The following BMPR2 variants were observed in gnomAD, a reference collection of about 807,000 sequenced individuals.
BMPR2 encodes the protein bone morphogenetic protein receptor type 2.
BMPR2 carries 29 observed loss-of-function variants against 100.8 expected under a neutral mutation model. The ratio of observed to expected loss-of-function variants is 0.29; its 90% confidence interval spans 0.21 to 0.39. BMPR2 has a LOEUF of 0.39. Ranked by LOEUF, BMPR2 falls within the 10% of genes least tolerant of loss-of-function variation. BMPR2 has a pLI of 1.00. For synonymous variants in BMPR2, 382 were observed against 442.3 expected (o/e 0.86, Z 1.71); for missense variants, 1,011 against 1,274.5 (o/e 0.79, Z 3.15).
intron 9 of BMPR2, among the ~76,000 whole-genome samples, chr2:202,537,556 A>G (rs1688184715): frequency 6.6e-6 from 1 of 152,240 alleles, no homozygotes; most frequent in Non-Finnish European, 1.5e-5. Flanking sequence ...ACAGAGTTTC[A>G]GTTTGGGAAG....
chr2:202,377,676 T>G (rs1690181124), intron 1 of BMPR2, 126 bp downstream of exon 1: 2 of 1,105,522 alleles, frequency 1.8e-6, no homozygotes, highest in African/African-American at 1.5e-5. Context: ...GCAGCGGAGC[T>G]GCGACCCGGT....
chr2:202,413,134 T>C (rs1422853926), intron 1 of BMPR2, among the ~76,000 whole-genome samples: 1 of 152,236 alleles, frequency 6.6e-6, no homozygotes, highest in Non-Finnish European at 1.5e-5. Flanking sequence ...ACATTCTGAC[T>C]TCTTGTTTCA....
chr2:202,388,040 C>A (rs1018444205), intron 1 of BMPR2, among the ~76,000 whole-genome samples: 2 of 152,038 alleles, frequency 1.3e-5, no homozygotes, highest in African/African-American at 4.8e-5. Flanking sequence ...ATCAAGAATG[C>A]TAATCTATAA....
At position 202,378,694 on chromosome 2, in the gene BMPR2, A is replaced by T. The variant is rs114021105; in HGVS notation, c.76+1144A>T. 9.3e-3 allele frequency among the ~76,000 whole-genome samples: 1,411 copies of T among 152,310 alleles called. 11 individuals carry two copies. Among genetic ancestry groups the T allele is most frequent in the Middle Eastern group, 0.014 (4 of 294 alleles). ...GATGATAAATCTATATGGTTCTGTT[A>T]AAATAATTTGAACTTCTGAGTTTAC... is the stretch of plus-strand genomic sequence containing the variant. On this transcript the variant is annotated intron_variant, in intron 1 of 12. Coordinates refer to ENST00000374580, the MANE Select transcript of BMPR2 (RefSeq NM_001204.7).
At chr2:202,378,220 G>T (rs1167847528) in intron 1 of BMPR2, among the ~76,000 whole-genome samples, 1 of 152,176 alleles carries the variant, frequency 6.6e-6, no homozygotes, top group Non-Finnish European at 1.5e-5. Context: ...ATTTGACTCC[G>T]AAAGTTCTTT....
Position 202,419,632 on chromosome 2 carries a change from G to A in BMPR2, c.76+42082G>A, listed in dbSNP as rs138385456. On this transcript the variant is annotated intron_variant, in intron 1 of 12. Coordinates refer to ENST00000374580, the MANE Select transcript of BMPR2 (RefSeq NM_001204.7). The stretch of plus-strand genomic sequence containing the variant: ...GGCCTCACAAAGTGCTGGGATTACA[G>A]GCATGAGCCACTGCACCTGGTGTAT... Among the ~76,000 whole-genome samples the A allele has an allele frequency of 6.3e-3, 954 of 152,258 alleles. 13 individuals are homozygous for A. Among genetic ancestry groups the A allele is most frequent in the African/African-American group, 0.021 (890 of 41,550 alleles).
At chr2:202,468,126 C>T (rs953195077) in intron 3 of BMPR2, among the ~76,000 whole-genome samples, 9 of 151,836 alleles carry the variant, frequency 5.9e-5, no homozygotes, top group African/African-American at 1.7e-4. Context: ...ACCTGAAATC[C>T]GAAAGCGATG....
chr2:202,418,991 A>T (rs894531578), intron 1 of BMPR2, among the ~76,000 whole-genome samples: 1 of 152,094 alleles, frequency 6.6e-6, no homozygotes, highest in African/African-American at 2.4e-5. Flanking sequence ...CTGTCATGTG[A>T]TGTTATGTCA....
At position 202,532,535 on chromosome 2, in the gene BMPR2, T is replaced by A. The variant is rs987237281; in HGVS notation, c.1129-50T>A. On this transcript the variant is annotated intron_variant, in intron 8 of 12. Transcript: ENST00000374580. This position sits in a 1 kb window ranked among gnomAD's most constrained non-coding sequence, Gnocchi z 4.1. ...TAACTTCTGGTCTAATGTCTGTTCT[T>A]CAGAATATGCTACGTTCTCTCTCTA... The A allele has an allele frequency of 1.9e-6, 3 of 1,594,550 alleles. No individual in the cohort carries two copies. The highest frequency in any genetic ancestry group is 2.6e-6 in the Non-Finnish European group (3 of 1,162,924).
At chr2:202,460,242 A>C (rs1467209342) in intron 1 of BMPR2, among the ~76,000 whole-genome samples, 2 of 152,220 alleles carry the variant, frequency 1.3e-5, no homozygotes, top group African/African-American at 4.8e-5. Context: ...AAAGACGTAG[A>C]ATCAATCTAA....
At chr2:202,377,645 A>G (rs1690179996) in intron 1 of BMPR2, 95 bp downstream of exon 1, 3 of 1,424,030 alleles carry the variant, frequency 2.1e-6, no homozygotes, top group South Asian at 1.2e-5. Context: ...GCCCTTCGCC[A>G]TGCGTCCCCC....
At chr2:202,449,336 TA>T (rs763320071) in intron 1 of BMPR2, among the ~76,000 whole-genome samples, 1 of 145,698 alleles carries the variant, frequency 6.9e-6, no homozygotes. Context: ...AATAAATAAA[TA>T]AATAAATAAA....
rs1312454843 is a variant in BMPR2 at position 202,519,961 on chromosome 2, A to T, written c.853-126A>T. ...CTCTTTCAAGATTCTGAAATGTAGT[A>T]GTTCATTAGATCTTCATGGAATCCT... is the stretch of plus-strand genomic sequence containing the variant. On this transcript the variant is annotated intron_variant, in intron 6 of 12. Transcript: ENST00000374580. 3.6e-5 allele frequency: 24 copies of T among 672,080 alleles called. No individual in the cohort carries two copies. In the South Asian group the frequency reaches 3.9e-4, roughly 11 times the overall value. 41.6% of individuals were successfully genotyped at this position (672,080 alleles called of 1,614,324 possible).
intron 1 of BMPR2, among the ~76,000 whole-genome samples, chr2:202,404,090 A>G (rs1449250288): frequency 6.6e-6 from 1 of 151,802 alleles, no homozygotes; most frequent in African/African-American, 2.4e-5. Context: ...ATTTTACCAA[A>G]TTTGTAAGTC....
chr2:202,492,527 C>G (rs1473932380), intron 3 of BMPR2, among the ~76,000 whole-genome samples: 1 of 151,448 alleles, frequency 6.6e-6, no homozygotes, highest in Admixed American at 6.6e-5. Flanking sequence ...TAGCAAAACC[C>G]CTTCTCTACT....
At chr2:202,442,503 A>G (rs1158949712) in intron 1 of BMPR2, among the ~76,000 whole-genome samples, 2 of 150,392 alleles carry the variant, frequency 1.3e-5, no homozygotes, top group African/African-American at 2.5e-5. Context: ...ATAGTACAAT[A>G]TTGCCAACAA....
intron 1 of BMPR2, among the ~76,000 whole-genome samples, chr2:202,399,818 T>C (rs998914931): frequency 2.0e-5 from 3 of 151,934 alleles, no homozygotes; most frequent in Non-Finnish European, 4.4e-5. Context: ...GGATTTAGAG[T>C]GTATAGTTGA....
At chr2:202,428,730 C>T (rs151273615) in intron 1 of BMPR2, among the ~76,000 whole-genome samples, 7 of 152,254 alleles carry the variant, frequency 4.6e-5, no homozygotes, top group East Asian at 1.9e-4. Context: ...TGTGTACACA[C>T]GCATACTGTC....
At chr2:202,520,234 T>C (rs757206234) in intron 7 of BMPR2, 33 bp downstream of exon 7, 7 of 1,475,066 alleles carry the variant, frequency 4.7e-6, no homozygotes, top group Non-Finnish European at 6.6e-6. Context: ...TTGACACTCA[T>C]GTGGGTTCAA....
Sources: allele counts gnomAD v4.1 joint callset (sites outside exome capture counted in the v4.1 genomes callset), GRCh38; gene constraint gnomAD v4.1.1; non-coding constraint Gnocchi (gnomAD v3.1); transcripts MANE v1.5; gene names NCBI Gene and HGNC (gene_info 2026-07-23, HGNC 2026-07-21).